Variants in SRPK1 observed in about 807,000 individuals in gnomAD.
SRPK1 encodes SFRS protein kinase 1.
SRPK1 carries 52 observed loss-of-function variants against 89.5 expected under a neutral mutation model. The observed-to-expected ratio is 0.58, with a 90% CI of 0.46 to 0.73. The LOEUF (loss-of-function observed/expected upper bound fraction) is 0.73, where lower values mean the gene tolerates loss of function less well. SRPK1 is among the 30% of genes least tolerant of loss of function. The probability of loss-of-function intolerance (pLI) is 0.00; values close to 1 mark genes in which losing one functional copy is unlikely to be tolerated. For missense variants in SRPK1, 603 were observed against 780.6 expected, an observed-to-expected ratio of 0.77 and a Z score of 2.71; for synonymous variants, 255 against 270.2, an observed-to-expected ratio of 0.94 and a Z score of 0.55.
chr6:35,864,633 T>C (rs1769855416), intron 12 of SRPK1, among the ~76,000 whole-genome samples: 1 of 152,176 alleles, frequency 6.6e-6, no homozygotes, highest in Admixed American at 6.5e-5. Context: ...GGAGAACAGT[T>C]TGGAGGTCCC....
chr6:35,880,973 G>A (rs1414428665), intron 6 of SRPK1, among the ~76,000 whole-genome samples: 2 of 151,758 alleles, frequency 1.3e-5, no homozygotes, highest in African/African-American at 4.8e-5. Flanking sequence ...ACATACAAGG[G>A]ATCCTCACTA....
intron 6 of SRPK1, among the ~76,000 whole-genome samples, chr6:35,874,918 T>C (rs1305471871): frequency 6.6e-6 from 1 of 152,204 alleles, no homozygotes; most frequent in Non-Finnish European, 1.5e-5. Flanking sequence ...GTTGTCCTTA[T>C]GTATGAACAA....
rs1263121478 is a variant in SRPK1 at position 35,900,011 on chromosome 6, T to TA, written c.75-8999dup. ...GCAAGACTCCATCGCAAAAAAAAAA[T>TA]AATAATAATAAAAAAATAAAAAAAA... On this transcript the variant is annotated intron_variant, in intron 2 of 15. Transcript: ENST00000373825. 6.7e-5 allele frequency among the ~76,000 whole-genome samples: 10 copies of TA among 149,352 alleles called. 1 individual carries two copies. The South Asian group carries it at 1.9e-3, about 28-fold the overall frequency.
chr6:35,920,576 C>G, intron 1 of SRPK1, 48 bp from the exon 2 acceptor site: 1 of 1,590,306 alleles, frequency 6.3e-7, no homozygotes, highest in African/African-American at 1.3e-5. Flanking sequence ...GGAAAGGAGG[C>G]GACCAAGGTG....
chr6:35,874,188 A>C, intron 7 of SRPK1, 45 bp downstream of exon 7: 1 of 1,434,828 alleles, frequency 7.0e-7, no homozygotes, highest in Non-Finnish European at 9.7e-7. Flanking sequence ...TTAAAAAATC[A>C]CTACATAGTC....
At position 35,892,170 on chromosome 6, in the gene SRPK1, C is replaced by G. The variant is rs372841037; in HGVS notation, c.75-1157G>C. ...GTACTACCTCATTCTGAAAACTTAG[C>G]TTATTTGATAGGTAAAAATCATATT... On this transcript the variant is annotated intron_variant, in intron 2 of 15. Coordinates refer to ENST00000373825, the MANE Select transcript of SRPK1 (RefSeq NM_003137.5). Among the ~76,000 whole-genome samples, 5 of 152,254 alleles carry G rather than the reference C, an allele frequency of 3.3e-5. No homozygotes were observed. In the East Asian group the frequency reaches 7.7e-4, roughly 24 times the overall value.
intron 13 of SRPK1, among the ~76,000 whole-genome samples, chr6:35,854,833 T>G (rs1401026175): frequency 2.0e-5 from 3 of 152,232 alleles, no homozygotes; most frequent in Non-Finnish European, 4.4e-5. Flanking sequence ...CACTTTATAG[T>G]TGGTGGCATC....
intron 6 of SRPK1, among the ~76,000 whole-genome samples, chr6:35,880,553 T>C (rs1439275159): frequency 6.6e-6 from 1 of 150,846 alleles, no homozygotes; most frequent in Non-Finnish European, 1.5e-5. Flanking sequence ...TGAAATCCCA[T>C]CTCTACTGAT....
At chr6:35,920,945 G>A in intron 1 of SRPK1, 99 bp downstream of exon 1, 1 of 1,401,898 alleles carries the variant, frequency 7.1e-7, no homozygotes, top group South Asian at 1.3e-5. Flanking sequence ...CGCACGTCCG[G>A]GAACCGAACC....
intron 12 of SRPK1, among the ~76,000 whole-genome samples, chr6:35,863,452 C>CT (rs1292219294): frequency 8.6e-6 from 1 of 116,764 alleles, no homozygotes; most frequent in South Asian, 3.1e-4. Context: ...GACCCTGTTT[C>CT]TTAAAAAAAA....
At chr6:35,836,137 C>T (rs9470122) in intron 15 of SRPK1, among the ~76,000 whole-genome samples, 47,867 of 151,984 alleles carry the variant, frequency 0.31, 7,776 homozygotes, top group South Asian at 0.42. Flanking sequence ...TGCCTAAGCT[C>T]CACCTCCTGT....
intron 8 of SRPK1, 123 bp downstream of exon 8, chr6:35,872,440 A>G: frequency 1.1e-6 from 1 of 901,244 alleles, no homozygotes; most frequent in Non-Finnish European, 1.6e-6. Flanking sequence ...GAAGCTGATA[A>G]TGTTTCTTAA....
chr6:35,883,847 G>A (rs751698146), intron 6 of SRPK1, among the ~76,000 whole-genome samples: 5 of 151,658 alleles, frequency 3.3e-5, no homozygotes, highest in Non-Finnish European at 5.9e-5. Flanking sequence ...CCATTCTCCT[G>A]CCTCAGCCTT....
At chr6:35,880,730 AAAAAG>A (rs1397327804) in intron 6 of SRPK1, among the ~76,000 whole-genome samples, 19 of 56,946 alleles carry the variant, frequency 3.3e-4, no homozygotes, top group African/African-American at 7.0e-4. Flanking sequence ...AAAAAAAAAA[AAAAAG>A]AAAAAAAAAA....
In SRPK1 at chr6:35,837,364, T is replaced by C. The variant is rs369462249; in HGVS notation, c.1783+973A>G. The stretch of plus-strand genomic sequence containing the variant: ...TCTTAGACCAAACGCCAGCAAAAAA[T>C]TTGCCCATTTTTCAGAAGTGCTATA... On this transcript the variant is annotated intron_variant, in intron 15 of 15. Coordinates refer to ENST00000373825, the MANE Select transcript of SRPK1 (RefSeq NM_003137.5). Among the ~76,000 whole-genome samples, 181 of 152,210 alleles carry C rather than the reference T, an allele frequency of 1.2e-3. 2 individuals carry two copies. In the South Asian group the frequency reaches 0.035, roughly 30 times the overall value.
At chr6:35,871,260 G>A (rs1326068258) in intron 8 of SRPK1, among the ~76,000 whole-genome samples, 1 of 152,040 alleles carries the variant, frequency 6.6e-6, no homozygotes, top group Non-Finnish European at 1.5e-5. Context: ...AAATAGAATG[G>A]GACAAGCAAC....
At chr6:35,838,469 A>G in intron 14 of SRPK1, 40 bp from the exon 15 acceptor site, 2 of 1,508,056 alleles carry the variant, frequency 1.3e-6, no homozygotes, top group Admixed American at 2.4e-5. Context: ...GAAAAAAAAG[A>G]TCCGTAACAA....
At chr6:35,904,963 A>G (rs1770819518) in intron 2 of SRPK1, 1 of 446,734 alleles carries the variant, frequency 2.2e-6, no homozygotes. Context: ...TTAGTACAGC[A>G]AGACTCCATC....
At chr6:35,890,106 C>T (rs981756867) in intron 3 of SRPK1, among the ~76,000 whole-genome samples, 20 of 152,148 alleles carry the variant, frequency 1.3e-4, no homozygotes, top group African/African-American at 4.8e-4. Context: ...GAGACTCCGC[C>T]TCAAAAACAA....
Sources: allele counts gnomAD v4.1 joint callset (sites outside exome capture counted in the v4.1 genomes callset), GRCh38; gene constraint gnomAD v4.1.1; transcripts MANE v1.5; gene names NCBI Gene and HGNC (gene_info 2026-07-23, HGNC 2026-07-21).